LITAF: variants seen among roughly 807,000 people sequenced by gnomAD.
LITAF encodes lipopolysaccharide induced TNF factor.
LITAF carries 9 observed loss-of-function variants against 14.5 expected under a neutral mutation model. The observed-to-expected ratio is 0.62, with a 90% CI of 0.37 to 1.08. The LOEUF (loss-of-function observed/expected upper bound fraction) is 1.08, where lower values mean the gene tolerates loss of function less well. Ranked by LOEUF, LITAF falls within the 50% of genes least tolerant of loss-of-function variation. The pLI, the probability that LITAF is intolerant of heterozygous loss-of-function variation, is 0.01. For synonymous variants in LITAF, 98 were observed against 88.2 expected (o/e 1.11, Z -0.62); for missense variants, 206 against 213.4 (o/e 0.97, Z 0.22).
At position 11,547,955 on chromosome 16, in the gene LITAF, C is replaced by A. The variant is rs1255649372; in HGVS notation, c.*1682G>T. 6.6e-6 allele frequency: 3 copies of A among 453,996 alleles called. No individual in the cohort carries two copies. The highest frequency in any genetic ancestry group is 1.3e-5 in the Non-Finnish European group (3 of 226,808). The allele number at this position is 453,996 out of a possible 1,614,324, so 28.1% of individuals were successfully genotyped here. A position where few individuals can be genotyped will look rare whatever the true frequency, so the allele number is the denominator to read the frequency against. On this transcript the variant is annotated 3_prime_UTR_variant, in exon 4 of 4. Transcript: ENST00000622633. Reference sequence around the variant, plus strand: ...TTCTTTGTAGCAATGGCTGGAAATGCAACATGAGCCCTTTCTTCACACCAA... The same window carrying A: ...TTCTTTGTAGCAATGGCTGGAAATGAAACATGAGCCCTTTCTTCACACCAA...
At chr16:11,551,269 TCCTAA>T (rs1329636351) in intron 3 of LITAF, among the ~76,000 whole-genome samples, 2 of 152,156 alleles carry the variant, frequency 1.3e-5, no homozygotes, top group African/African-American at 2.4e-5. Context: ...TCAGCAGGAA[TCCTAA>T]CCTATGGCTT....
chr16:11,634,262 C>T lies in LITAF; in HGVS notation c.-20-625G>A, dbSNP rs147343383. Among the ~76,000 whole-genome samples, 1,560 of 152,306 alleles carry T rather than the reference C, an allele frequency of 0.01. 12 individuals are homozygous for T. The highest frequency in any genetic ancestry group is 0.016 in the Non-Finnish European group (1,094 of 68,026). The stretch of plus-strand genomic sequence containing the variant: ...ACCTCCAAACTGCTCTTCATCATTC[C>T]TGGACTTGGGCCAAACTAACTCTGG... On this transcript the variant is annotated intron_variant, in intron 2 of 3. Transcript: ENST00000574848. This position sits in a 1 kb window ranked among gnomAD's most constrained non-coding sequence, Gnocchi z 4.1.
intron 3 of LITAF, among the ~76,000 whole-genome samples, chr16:11,606,022 C>G (rs559215014): frequency 1.3e-5 from 2 of 152,038 alleles, no homozygotes; most frequent in African/African-American, 4.8e-5. Context: ...GATCCTTTTT[C>G]GTTAAACTTA....
At chr16:11,582,985 A>G (rs2064761950) in intron 1 of LITAF, among the ~76,000 whole-genome samples, 1 of 152,308 alleles carries the variant, frequency 6.6e-6, no homozygotes, top group African/African-American at 2.4e-5. Flanking sequence ...GAAAATGTTC[A>G]AGGTGAATGG....
chr16:11,548,244 T>C lies in LITAF; in HGVS notation c.*1393A>G, dbSNP rs1028246867. 2 of 453,984 alleles carry C rather than the reference T, an allele frequency of 4.4e-6. No homozygotes were observed. Among genetic ancestry groups the C allele is most frequent in the African/African-American group, 2.0e-5 (1 of 49,998 alleles). The allele number at this position is 453,984 out of a possible 1,614,324, so 28.1% of individuals were successfully genotyped here. A position where few individuals can be genotyped will look rare whatever the true frequency, so the allele number is the denominator to read the frequency against. Reference sequence around the variant, plus strand: ...GAAGTATTATCAAAACGAGGACCCTTGAAGGTCGAGCCCAGCTTTGTCTTG... The same window carrying C: ...GAAGTATTATCAAAACGAGGACCCTCGAAGGTCGAGCCCAGCTTTGTCTTG... On this transcript the variant is annotated 3_prime_UTR_variant, in exon 4 of 4. Transcript: ENST00000622633.
chr16:11,576,534 C>CA (rs66551972), intron 1 of LITAF, among the ~76,000 whole-genome samples: 2,033 of 62,908 alleles, frequency 0.032, 51 homozygotes, highest in East Asian at 0.051. Context: ...TTACAATCTG[C>CA]AAAAAAAAAA....
intron 3 of LITAF, among the ~76,000 whole-genome samples, chr16:11,628,506 A>G (rs1465841137): frequency 6.6e-6 from 1 of 151,988 alleles, no homozygotes; most frequent in Non-Finnish European, 1.5e-5. Context: ...CTATTTTTTT[A>G]TTTTTTTGTT....
In LITAF at chr16:11,556,705, G is replaced by T. The variant is rs529766640; in HGVS notation, c.26C>A (p.Ala9Glu). The change falls in exon 2 of 4, where the codon GCG becomes GAG. Residue 9 changes from alanine to glutamate, a missense_variant. Transcript: ENST00000622633. MSVPGPYQ[A>E]ATGPSSAPSA... is the part of the protein sequence containing the mutation. Reference sequence around the variant, plus strand: ...TGGTGCTGAGGAAGGCCCAGTGGCCGCCTGGTAAGGTCCTGGAACCGACAT... The same window carrying T: ...TGGTGCTGAGGAAGGCCCAGTGGCCTCCTGGTAAGGTCCTGGAACCGACAT... The T allele has an allele frequency of 6.2e-7, 1 of 1,614,156 alleles. No homozygotes were observed. Among genetic ancestry groups the T allele is most frequent in the Non-Finnish European group, 8.5e-7 (1 of 1,180,020 alleles).
At chr16:11,573,339 G>C (rs1371214987) in intron 1 of LITAF, among the ~76,000 whole-genome samples, 3 of 152,120 alleles carry the variant, frequency 2.0e-5, no homozygotes, top group Non-Finnish European at 4.4e-5. Context: ...CAGAGAGCTA[G>C]CCTGGGTATC....
rs564234069 is a variant in LITAF, at chr16:11,606,635, T to C, written c.85+26898A>G. On this transcript the variant is annotated intron_variant, in intron 3 of 3. Transcript: ENST00000574848. ...TGGTGGTCTGGAACCAAAACCATAG[T>C]ATCTCTGAGGTATGCCTGCAGCCAC... is the stretch of plus-strand genomic sequence containing the variant. Among the ~76,000 whole-genome samples the C allele has an allele frequency of 2.0e-5, 3 of 152,006 alleles. No individual in the cohort carries two copies. In the South Asian group the frequency reaches 6.2e-4, roughly 32 times the overall value.
Position 11,558,053 on chromosome 16 carries a change from G to C in LITAF, c.-5-1318C>G, listed in dbSNP as rs2064301585. ...TGCCTTAGAAGAGCCATTCAAACCTGTCTCGGGAGAAATGGGAAATGAGGC... is the reference window on the plus strand; with the variant it reads ...TGCCTTAGAAGAGCCATTCAAACCTCTCTCGGGAGAAATGGGAAATGAGGC... On this transcript the variant is annotated intron_variant, in intron 1 of 3. Transcript: ENST00000622633. This position sits in a 1 kb window ranked among gnomAD's most constrained non-coding sequence, Gnocchi z 4.1. 6.6e-6 allele frequency among the ~76,000 whole-genome samples: 1 copy of C among 152,244 alleles called. No individual in the cohort carries two copies. The highest frequency in any genetic ancestry group is 2.1e-4 in the South Asian group (1 of 4,828).
intron 3 of LITAF, chr16:11,551,664 C>T (rs7206280): frequency 1.8e-6 from 1 of 554,242 alleles, no homozygotes; most frequent in South Asian, 2.1e-5. Flanking sequence ...TCCACACACA[C>T]AAAAAAAAAA....
intron 3 of LITAF, among the ~76,000 whole-genome samples, chr16:11,623,682 CTT>C (rs1423842638): frequency 4.0e-5 from 6 of 148,398 alleles, no homozygotes; most frequent in Non-Finnish European, 7.4e-5. Flanking sequence ...GGATCTCTCT[CTT>C]GGCCAAGTAT....
At chr16:11,596,013 C>T (rs941494856) in intron 1 of LITAF, among the ~76,000 whole-genome samples, 7 of 152,100 alleles carry the variant, frequency 4.6e-5, no homozygotes, top group African/African-American at 1.7e-4. Context: ...AGTGAGCAGG[C>T]GGCCTGGCTC....
At chr16:11,616,659 G>A (rs2065021322) in intron 3 of LITAF, among the ~76,000 whole-genome samples, 1 of 151,998 alleles carries the variant, frequency 6.6e-6, no homozygotes, top group Non-Finnish European at 1.5e-5. Context: ...GCTACCCTCT[G>A]GCCTTTGAAC....
chr16:11,595,214 G>A (rs983508531), intron 1 of LITAF, among the ~76,000 whole-genome samples: 9 of 152,160 alleles, frequency 5.9e-5, no homozygotes, highest in African/African-American at 1.9e-4. Context: ...GGTCCATGCA[G>A]CTGGGATTCT....
upstream of LITAF, among the ~76,000 whole-genome samples, chr16:11,599,815 G>A (rs181126989): frequency 1.3e-3 from 202 of 152,154 alleles, 1 homozygote; most frequent in Admixed American, 1.6e-3. Flanking sequence ...ACCTTTGCAC[G>A]GCTGCTCCTC....
At chr16:11,627,262 T>C (rs1297662468) in intron 3 of LITAF, among the ~76,000 whole-genome samples, 1 of 152,162 alleles carries the variant, frequency 6.6e-6, no homozygotes, top group Non-Finnish European at 1.5e-5. Context: ...AGACGAATTC[T>C]TTACAAGGCT....
At chr16:11,579,874 G>C (rs564162827) in intron 1 of LITAF, among the ~76,000 whole-genome samples, 1 of 152,324 alleles carries the variant, frequency 6.6e-6, no homozygotes, top group South Asian at 2.1e-4. Flanking sequence ...GACTGCAGGA[G>C]ACTAGAACAT....
Sources: gnomAD v4.1 joint callset for allele counts (sites outside exome capture counted in the v4.1 genomes callset) on GRCh38, gnomAD v4.1.1 for gene constraint, Gnocchi (gnomAD v3.1) non-coding constraint, MANE v1.5 for transcripts, NCBI Gene and HGNC (gene_info 2026-07-23, HGNC 2026-07-21) for gene names.